Variants in PRDM2 observed in about 807,000 individuals in gnomAD.
The protein encoded by PRDM2 is PR domain zinc finger protein 2.
PRDM2 carries 30 observed loss-of-function variants against 130.0 expected under a neutral mutation model. The observed-to-expected ratio is 0.23, with a 90% CI of 0.17 to 0.31. The LOEUF (loss-of-function observed/expected upper bound fraction) is 0.31. PRDM2 is among the 10% of genes least tolerant of loss of function. The pLI is 1.00. For missense variants in PRDM2, 2,011 were observed against 2,108.4 expected, an observed-to-expected ratio of 0.95 and a Z score of 0.90; for synonymous variants, 871 against 782.4, an observed-to-expected ratio of 1.11 and a Z score of -1.89.
chr1:13,725,274 G>A (rs939597285), intron 2 of PRDM2, among the ~76,000 whole-genome samples: 1 of 152,068 alleles, frequency 6.6e-6, no homozygotes, highest in Non-Finnish European at 1.5e-5. Flanking sequence ...GCATAACCTC[G>A]GCTCACTGCA....
At chr1:13,756,068 G>T (rs2100563970) in intron 6 of PRDM2, among the ~76,000 whole-genome samples, 1 of 151,008 alleles carries the variant, frequency 6.6e-6, no homozygotes, top group Middle Eastern at 3.4e-3. Context: ...TGGCTAACAT[G>T]GTGAAACCCT....
chr1:13,788,902 T>G (rs1046238476), intron 8 of PRDM2, among the ~76,000 whole-genome samples: 19 of 152,312 alleles, frequency 1.2e-4, no homozygotes, highest in Non-Finnish European at 2.5e-4. Flanking sequence ...TTGGGCAAGT[T>G]CCTTTACATT....
intron 3 of PRDM2, 68 bp from the exon 4 acceptor site, chr1:13,732,711 C>T (rs1643147853): frequency 7.9e-6 from 9 of 1,141,578 alleles, no homozygotes; most frequent in African/African-American, 3.2e-5. Flanking sequence ...GAAACTTAAG[C>T]GATTTTAATG....
rs186519040 is a variant in PRDM2, at chr1:13,811,958, G to T, written c.5037-4469G>T. Among the ~76,000 whole-genome samples, 34 of 152,362 alleles carry T rather than the reference G, an allele frequency of 2.2e-4. No individual in the cohort carries two copies. In the East Asian group the frequency reaches 6.4e-3, roughly 29 times the overall value. ...AACCAGGTAAGAAGAGCTTGGCCTG[G>T]CTGAGAGACAAGTGCACAGGGTGAA... On this transcript the variant is annotated intron_variant, in intron 8 of 9. Transcript: ENST00000311066.
In PRDM2 at chr1:13,816,466, G is replaced by T. The variant is rs768934134; in HGVS notation, c.5076G>T (p.Ala1692=). ...TGGCGTCCCGATGCTCTCCACCAGC[G>T]GCCCCGTACATCACCAGGCAGTATA... ...LRLASRCSPP[A]APYITRQYRK... The change falls in exon 9 of 10, where the codon GCG becomes GCT. Residue 1692 remains alanine (A), a synonymous_variant. Coordinates refer to ENST00000311066, the MANE Select transcript of PRDM2 (RefSeq NM_001393986.1). 2 of 1,614,090 alleles carry T rather than the reference G, an allele frequency of 1.2e-6. No individual in the cohort carries two copies. Among genetic ancestry groups the T allele is most frequent in the Non-Finnish European group, 1.7e-6 (2 of 1,179,994 alleles).
chr1:13,779,629 A>T lies in PRDM2; in HGVS notation c.1834A>T (p.Asn612Tyr). The T allele has an allele frequency of 6.2e-7, 1 of 1,614,052 alleles. No homozygotes were observed. The highest frequency in any genetic ancestry group is 8.5e-7 in the Non-Finnish European group (1 of 1,179,960). Reference protein sequence around the residue: ...LTPVTVEITQNIKTTQVPVTE... With the variant: ...LTPVTVEITQYIKTTQVPVTE... ...TCCAGTTACAGTGGAAATTACTCAA[A>T]ATATAAAGACCACACAGGTCCCTGT... is the stretch of plus-strand genomic sequence containing the variant. The change falls in exon 8 of 10, where the codon AAT becomes TAT. Residue 612 changes from asparagine (N) to tyrosine (Y), a missense_variant. Physicochemically the swap from Asn to Tyr is moderately radical, Grantham distance 143 (BLOSUM62 -2). Transcript: ENST00000311066. This position sits in a 1 kb window ranked among gnomAD's most constrained non-coding sequence, Gnocchi z 4.9.
Position 13,803,357 on chromosome 1 carries a change from C to A in PRDM2, c.5037-13070C>A, listed in dbSNP as rs1311874351. On this transcript the variant is annotated intron_variant, in intron 8 of 9. Transcript: ENST00000311066. The surrounding 1 kb of genome is among the most constrained non-coding windows in gnomAD (Gnocchi z 6.2). ...CCTTTGCTAGGCCCCGTGGCAGGTT[C>A]GATGGGTGAGAAGTGAATAGACTCC... 6.6e-6 allele frequency among the ~76,000 whole-genome samples: 1 copy of A among 152,138 alleles called. No individual in the cohort carries two copies. Among genetic ancestry groups the A allele is most frequent in the African/African-American group, 2.4e-5 (1 of 41,428 alleles).
intron 9 of PRDM2, among the ~76,000 whole-genome samples, chr1:13,817,231 G>A (rs747343242): frequency 5.9e-5 from 9 of 152,202 alleles, no homozygotes; most frequent in Non-Finnish European, 1.3e-4. Flanking sequence ...CAGCAAGTAT[G>A]TAGTGCAAAT....
chr1:13,795,108 T>C lies in PRDM2; in HGVS notation c.5036+12277T>C, dbSNP rs548946643. Among the ~76,000 whole-genome samples the C allele has an allele frequency of 1.2e-3, 179 of 152,376 alleles. 3 individuals carry two copies. In the South Asian group the frequency reaches 0.036, roughly 31 times the overall value. ...CCTCCCTGTAACTTTCTATTTCTTT[T>C]GGTTTTGAATTTCAATGTCAATTTT... On this transcript the variant is annotated intron_variant, in intron 8 of 9. Transcript: ENST00000311066.
At chr1:13,822,916 T>C (rs1645376741) in intron 9 of PRDM2, among the ~76,000 whole-genome samples, 1 of 152,118 alleles carries the variant, frequency 6.6e-6, no homozygotes. Flanking sequence ...GGTTCATGTA[T>C]CCTTAAAGGG....
intron 6 of PRDM2, among the ~76,000 whole-genome samples, chr1:13,761,170 C>A (rs546570073): frequency 6.6e-6 from 1 of 152,244 alleles, no homozygotes; most frequent in Non-Finnish European, 1.5e-5. Flanking sequence ...GAAGCAAACA[C>A]GTCTCACTGT....
chr1:13,757,057 A>T (rs927546603), intron 6 of PRDM2, among the ~76,000 whole-genome samples: 1 of 152,222 alleles, frequency 6.6e-6, no homozygotes, highest in Non-Finnish European at 1.5e-5. Flanking sequence ...AGCCAAGGTG[A>T]ATTTTCACTG....
intron 1 of PRDM2, among the ~76,000 whole-genome samples, chr1:13,713,836 A>C (rs1044380750): frequency 1.3e-5 from 2 of 152,054 alleles, no homozygotes; most frequent in Non-Finnish European, 2.9e-5. Context: ...CATCTGAGGG[A>C]TCACTAACCT....
intron 8 of PRDM2, among the ~76,000 whole-genome samples, chr1:13,812,381 C>T (rs1483371797): frequency 6.6e-6 from 1 of 152,126 alleles, no homozygotes; most frequent in East Asian, 1.9e-4. Flanking sequence ...CGATGGTGTG[C>T]CTGCTTCAAA....
At chr1:13,770,406 T>C in intron 6 of PRDM2, 1 of 425,876 alleles carries the variant, frequency 2.3e-6, no homozygotes, top group Non-Finnish European at 4.6e-6. Context: ...AAGATATAAA[T>C]CTAGACATTT....
chr1:13,753,465 A>G (rs1292224333), intron 6 of PRDM2, among the ~76,000 whole-genome samples: 1 of 152,138 alleles, frequency 6.6e-6, no homozygotes, highest in African/African-American at 2.4e-5. Context: ...TGTCTCTACG[A>G]TCAGAATTGT....
At chr1:13,793,720 G>C (rs1036863334) in intron 8 of PRDM2, among the ~76,000 whole-genome samples, 2 of 152,162 alleles carry the variant, frequency 1.3e-5, no homozygotes, top group African/African-American at 4.8e-5. Context: ...GGAGAGCATA[G>C]AGCAGGGATG....
chr1:13,714,208 TAGAGA>T (rs1186101624), intron 1 of PRDM2, among the ~76,000 whole-genome samples: 1 of 146,222 alleles, frequency 6.8e-6, no homozygotes. Flanking sequence ...TCTTATGTCT[TAGAGA>T]AGAGGGTTGA....
At position 13,803,849 on chromosome 1, in the gene PRDM2, G is replaced by A. The variant is rs897176397; in HGVS notation, c.5037-12578G>A. Among the ~76,000 whole-genome samples the A allele has an allele frequency of 4.6e-5, 7 of 152,164 alleles. No individual in the cohort carries two copies. Among genetic ancestry groups the A allele is most frequent in the Admixed American group, 6.5e-5 (1 of 15,282 alleles). On this transcript the variant is annotated intron_variant, in intron 8 of 9. Transcript: ENST00000311066. The surrounding 1 kb of genome is among the most constrained non-coding windows in gnomAD (Gnocchi z 6.2). Reference sequence around the variant, plus strand: ...CAGGTTTGGGGAATTCATGGCCTCTGAGGACCTCAGAACCTGGCTTAGAAG... The same window carrying A: ...CAGGTTTGGGGAATTCATGGCCTCTAAGGACCTCAGAACCTGGCTTAGAAG...
Sources: gnomAD v4.1 joint callset for allele counts (sites outside exome capture counted in the v4.1 genomes callset) on GRCh38, gnomAD v4.1.1 for gene constraint, Gnocchi (gnomAD v3.1) non-coding constraint, MANE v1.5 for transcripts, NCBI Gene and HGNC (gene_info 2026-07-23, HGNC 2026-07-21) for gene names.